BAZ2B: variants seen among roughly 807,000 people sequenced by gnomAD.
The protein encoded by BAZ2B is bromodomain adjacent to zinc finger domain protein 2B.
A neutral mutation model predicts 246.0 loss-of-function variants in BAZ2B; 91 were observed. That is an observed-to-expected ratio of 0.37 (90% CI 0.31 to 0.44). The LOEUF is 0.44. BAZ2B is among the 20% of genes least tolerant of loss of function. The pLI, the probability that BAZ2B is intolerant of heterozygous loss-of-function variation, is 1.00. For synonymous variants in BAZ2B, 855 were observed against 860.0 expected, an observed-to-expected ratio of 0.99 and a Z score of 0.10; for missense variants, 2,332 against 2,533.7, an observed-to-expected ratio of 0.92 and a Z score of 1.71.
At chr2:159,670,024 G>C in the BAZ2B span, among the ~76,000 whole-genome samples, 2 of 151,988 alleles carry the variant, frequency 1.3e-5, no homozygotes, top group African/African-American at 2.4e-5. Context: ...AGGCTGGAGT[G>C]CAGTGGTGTG....
At chr2:159,396,635 G>A (rs886122704) in intron 19 of BAZ2B, 9 of 151,792 alleles carry the variant, frequency 5.9e-5, no homozygotes, top group Non-Finnish European at 1.3e-4. Context: ...AGCATATTTG[G>A]TTTCTCCAAA....
intron 2 of BAZ2B, among the ~76,000 whole-genome samples, chr2:159,486,921 AAGATCTCATTTGTG>A: frequency 6.6e-6 from 1 of 152,120 alleles, no homozygotes; most frequent in Non-Finnish European, 1.5e-5. Context: ...TATAAATAGC[AAGATCTCATTTGTG>A]ATAAAGAAAA....
Position 159,415,444 on chromosome 2 carries a change from C to CAAAAAAAA in BAZ2B, c.2467-2907_2467-2900dup, listed in dbSNP as rs66504722. On this transcript the variant is annotated intron_variant, in intron 13 of 36. Transcript: ENST00000392783. ...TGGGCGACAGAACAAGACTCCGTCT[C>CAAAAAAAA]AAAAAAAAAAAAAAAAATACTGCTT... Among the ~76,000 whole-genome samples the CAAAAAAAA allele has an allele frequency of 9.3e-3, 1,051 of 112,506 alleles. 33 individuals carry two copies. The highest frequency in any genetic ancestry group is 0.035 in the East Asian group (135 of 3,902). The allele number at this position is 112,506 out of a possible 152,430, so 73.8% of individuals were successfully genotyped here.
At chr2:159,481,724 T>A (rs565356467) in intron 2 of BAZ2B, among the ~76,000 whole-genome samples, 1 of 151,220 alleles carries the variant, frequency 6.6e-6, no homozygotes, top group South Asian at 2.1e-4. Flanking sequence ...CAGACCCAAA[T>A]TGAAAAACCA....
chr2:159,354,586 C>T (rs561931060), intron 27 of BAZ2B, among the ~76,000 whole-genome samples: 3 of 152,190 alleles, frequency 2.0e-5, no homozygotes, highest in South Asian at 2.1e-4. Context: ...CATGACCTCA[C>T]GTGATCCGCA....
chr2:159,518,496 G>C (rs532747867), intron 2 of BAZ2B, among the ~76,000 whole-genome samples: 1 of 152,316 alleles, frequency 6.6e-6, no homozygotes, highest in South Asian at 2.1e-4. Context: ...ACAGAGCTCA[G>C]TCGTCCATAT....
At chr2:159,627,976 G>A in the BAZ2B span, among the ~76,000 whole-genome samples, 1 of 152,166 alleles carries the variant, frequency 6.6e-6, no homozygotes. Context: ...CAAAGTCTGA[G>A]GATACAAAAT....
At chr2:159,493,773 A>G (rs2080766575) in intron 2 of BAZ2B, among the ~76,000 whole-genome samples, 1 of 152,224 alleles carries the variant, frequency 6.6e-6, no homozygotes, top group Non-Finnish European at 1.5e-5. Flanking sequence ...TATCCCTAGC[A>G]CAAATTGGAA....
intron 3 of BAZ2B, among the ~76,000 whole-genome samples, chr2:159,475,082 G>C (rs574985289): frequency 2.0e-5 from 3 of 152,108 alleles, no homozygotes; most frequent in African/African-American, 7.2e-5. Flanking sequence ...TGTATTTCCT[G>C]AATTTGAATG....
intron 36 of BAZ2B, among the ~76,000 whole-genome samples, chr2:159,322,186 T>A (rs1373847109): frequency 6.6e-6 from 1 of 152,224 alleles, no homozygotes; most frequent in East Asian, 1.9e-4. Flanking sequence ...TATTTCTCTA[T>A]GCGTAATGTG....
At chr2:159,450,741 C>CCTT (rs1559469170) in intron 4 of BAZ2B, among the ~76,000 whole-genome samples, 1 of 143,456 alleles carries the variant, frequency 7.0e-6, no homozygotes. Flanking sequence ...ACATTTAACT[C>CCTT]TTTTTTTTTT....
intron 27 of BAZ2B, among the ~76,000 whole-genome samples, chr2:159,358,870 A>G (rs534514786): frequency 1.3e-5 from 2 of 152,364 alleles, no homozygotes; most frequent in East Asian, 3.9e-4. Flanking sequence ...TACTGGGTAA[A>G]TAACGAAATG....
chr2:159,422,277 A>C (rs551766810), intron 13 of BAZ2B, among the ~76,000 whole-genome samples: 2 of 152,318 alleles, frequency 1.3e-5, no homozygotes, highest in South Asian at 4.1e-4. Context: ...AAGAGCCTAA[A>C]TTGCCAAAGC....
chr2:159,414,326 T>C (rs992659173), intron 13 of BAZ2B, among the ~76,000 whole-genome samples: 5 of 151,968 alleles, frequency 3.3e-5, no homozygotes, highest in Non-Finnish European at 7.4e-5. Flanking sequence ...ATAAAAAATA[T>C]GTGGGTAAAA....
chr2:159,707,167 T>C, the BAZ2B span, among the ~76,000 whole-genome samples: 131,451 of 152,200 alleles, frequency 0.86, 56,985 homozygotes, highest in Middle Eastern at 0.95. Flanking sequence ...AAATTAAATA[T>C]ATAATTAAAT....
At chr2:159,567,744 C>T (rs561706812) in intron 1 of BAZ2B, among the ~76,000 whole-genome samples, 3 of 152,094 alleles carry the variant, frequency 2.0e-5, no homozygotes, top group Non-Finnish European at 4.4e-5. Flanking sequence ...GAGGCTGCAG[C>T]GGGCAGCTCA....
intron 3 of BAZ2B, among the ~76,000 whole-genome samples, chr2:159,454,078 T>A (rs2075419661): frequency 6.6e-6 from 1 of 152,018 alleles, no homozygotes; most frequent in East Asian, 1.9e-4. Flanking sequence ...ATTAAAATTG[T>A]CTGACCTGAG....
At chr2:159,658,995 A>G in the BAZ2B span, among the ~76,000 whole-genome samples, 3 of 152,032 alleles carry the variant, frequency 2.0e-5, no homozygotes, top group Non-Finnish European at 4.4e-5. Context: ...AGAGATTTTG[A>G]TCTGTACTTT....
the BAZ2B span, among the ~76,000 whole-genome samples, chr2:159,661,885 A>G: frequency 2.0e-5 from 3 of 152,154 alleles, no homozygotes; most frequent in African/African-American, 7.2e-5. Flanking sequence ...TGCTGGGACT[A>G]CAGGAGTAAG....
Sources: gnomAD v4.1 joint callset for allele counts (sites outside exome capture counted in the v4.1 genomes callset) on GRCh38, gnomAD v4.1.1 for gene constraint, MANE v1.5 for transcripts, NCBI Gene and HGNC (gene_info 2026-07-23, HGNC 2026-07-21) for gene names.